The following GRM1 variants were observed in gnomAD, a reference collection of about 807,000 sequenced individuals.
GRM1 encodes the protein glutamate metabotropic receptor 1.
GRM1 carries 33 observed loss-of-function variants against 90.9 expected under a neutral mutation model. That is an observed-to-expected ratio of 0.36 (90% CI 0.28 to 0.49). The LOEUF (loss-of-function observed/expected upper bound fraction) is 0.49. Ranked by LOEUF, GRM1 falls within the 20% of genes least tolerant of loss-of-function variation. GRM1 has a pLI of 0.99. For missense variants in GRM1, 1,190 were observed against 1,534.3 expected (o/e 0.78, Z 3.75); for synonymous variants, 700 against 613.2 (o/e 1.14, Z -2.09).
intron 2 of GRM1, among the ~76,000 whole-genome samples, chr6:146,277,452 GC>G (rs1782416539): frequency 6.6e-6 from 1 of 152,188 alleles, no homozygotes; most frequent in African/African-American, 2.4e-5. Context: ...AACTGATTTT[GC>G]TTTTGAGGGG....
chr6:146,157,524 A>C (rs1387993622), intron 1 of GRM1, among the ~76,000 whole-genome samples: 8 of 152,334 alleles, frequency 5.3e-5, no homozygotes, highest in African/African-American at 1.4e-4. Context: ...AGAATAGAAG[A>C]AGCAAATACA....
At position 146,258,987 on chromosome 6, in the gene GRM1, C is replaced by G. The variant is rs191886928; in HGVS notation, c.951-45624C>G. On this transcript the variant is annotated intron_variant, in intron 2 of 7. Transcript: ENST00000282753. ...AATACATGAAAAAGCCCTTTGTATC[C>G]CATCTAGAATACTGAAGAGTTCTTG... 3.3e-5 allele frequency among the ~76,000 whole-genome samples: 5 copies of G among 152,212 alleles called. No homozygotes were observed. The East Asian group carries it at 9.6e-4, about 29-fold the overall frequency.
chr6:146,126,395 A>G (rs1776200951), intron 1 of GRM1, among the ~76,000 whole-genome samples: 1 of 152,124 alleles, frequency 6.6e-6, no homozygotes, highest in South Asian at 2.1e-4. Context: ...TTTTTGGTGC[A>G]CATATATTTG....
chr6:146,423,510 G>A (rs888774617), intron 7 of GRM1, among the ~76,000 whole-genome samples: 1 of 150,674 alleles, frequency 6.6e-6, no homozygotes, highest in Non-Finnish European at 1.5e-5. Flanking sequence ...TAATTAGGGT[G>A]TCTTTGGGAT....
chr6:146,402,544 C>T (rs1328622684), intron 7 of GRM1, among the ~76,000 whole-genome samples: 1 of 152,110 alleles, frequency 6.6e-6, no homozygotes, highest in Non-Finnish European at 1.5e-5. Context: ...GCTAAAAACT[C>T]TAGAGAACAC....
At chr6:146,396,398 AGT>A (rs1333659013) in intron 6 of GRM1, among the ~76,000 whole-genome samples, 1 of 152,156 alleles carries the variant, frequency 6.6e-6, no homozygotes, top group Non-Finnish European at 1.5e-5. Context: ...CAACACGGGA[AGT>A]ATTCTTGTAA....
At chr6:146,390,730 G>A (rs1205671274) in intron 6 of GRM1, among the ~76,000 whole-genome samples, 2 of 151,842 alleles carry the variant, frequency 1.3e-5, no homozygotes, top group Non-Finnish European at 2.9e-5. Context: ...TTTGTGCCAG[G>A]TACTTTTTAA....
At chr6:146,130,952 G>A (rs1776377794) in intron 1 of GRM1, among the ~76,000 whole-genome samples, 2 of 152,170 alleles carry the variant, frequency 1.3e-5, no homozygotes, top group Admixed American at 1.3e-4. Context: ...GATGATCACA[G>A]ATGGAAGTTC....
intron 2 of GRM1, among the ~76,000 whole-genome samples, chr6:146,210,097 A>G (rs1009979327): frequency 7.9e-5 from 12 of 152,178 alleles, no homozygotes; most frequent in African/African-American, 2.9e-4. Context: ...ATGCAATATC[A>G]TAGGAGTCTC....
intron 2 of GRM1, among the ~76,000 whole-genome samples, chr6:146,185,633 C>T (rs1439332212): frequency 3.3e-5 from 5 of 152,228 alleles, no homozygotes; most frequent in African/African-American, 1.2e-4. Flanking sequence ...CATTCTCTTT[C>T]AGTCCAGATT....
intron 1 of GRM1, among the ~76,000 whole-genome samples, chr6:146,067,640 C>T (rs1369191883): frequency 6.6e-6 from 1 of 152,016 alleles, no homozygotes; most frequent in East Asian, 1.9e-4. Flanking sequence ...ACCTATCTAT[C>T]ACAAGTTCAT....
chr6:146,122,363 T>C (rs1216805687), intron 1 of GRM1, among the ~76,000 whole-genome samples: 1 of 152,170 alleles, frequency 6.6e-6, no homozygotes, highest in Non-Finnish European at 1.5e-5. Flanking sequence ...AGGTGGTATC[T>C]AGATTGCATT....
In GRM1 at chr6:146,029,425, G is replaced by A. The variant is rs909993029; in HGVS notation, c.-93G>A. ...CGAGGGGCACCACTCCGGGAGAGGCGGCGCTGGGCGTCTTGGGGGTGCGCG... is the reference window on the plus strand; with the variant it reads ...CGAGGGGCACCACTCCGGGAGAGGCAGCGCTGGGCGTCTTGGGGGTGCGCG... On this transcript the variant is annotated 5_prime_UTR_variant, in exon 1 of 8. Coordinates refer to ENST00000282753, the MANE Select transcript of GRM1 (RefSeq NM_001278064.2). 2.5e-5 allele frequency: 25 copies of A among 984,128 alleles called. No homozygotes were observed. The highest frequency in any genetic ancestry group is 3.6e-5 in the Non-Finnish European group (22 of 608,966). The allele number at this position is 984,128 out of a possible 1,614,324, so 61.0% of individuals were successfully genotyped here.
At chr6:146,040,042 G>C (rs1277322354) in intron 1 of GRM1, among the ~76,000 whole-genome samples, 2 of 151,938 alleles carry the variant, frequency 1.3e-5, no homozygotes, top group Admixed American at 6.6e-5. Context: ...TGATGGGATT[G>C]CCAAGGGGGT....
intron 2 of GRM1, among the ~76,000 whole-genome samples, chr6:146,270,906 TTTC>T (rs2114823301): frequency 8.7e-6 from 1 of 114,416 alleles, no homozygotes; most frequent in Admixed American, 8.6e-5. Context: ...TCTTTCTTTC[TTTC>T]TTTCTTCCTT....
chr6:146,410,172 G>T (rs145855984), intron 7 of GRM1, among the ~76,000 whole-genome samples: 44 of 152,264 alleles, frequency 2.9e-4, no homozygotes, highest in African/African-American at 1.0e-3. Flanking sequence ...GAACAGGGAT[G>T]CTGTCAGCCA....
At chr6:146,361,172 C>T (rs914040433) in intron 5 of GRM1, among the ~76,000 whole-genome samples, 1 of 152,154 alleles carries the variant, frequency 6.6e-6, no homozygotes, top group Non-Finnish European at 1.5e-5. Context: ...ATGGTCTGAC[C>T]TGGGTCCTGC....
At chr6:146,420,771 T>C (rs941511081) in intron 7 of GRM1, among the ~76,000 whole-genome samples, 1 of 152,216 alleles carries the variant, frequency 6.6e-6, no homozygotes, top group African/African-American at 2.4e-5. Context: ...CCTTGCATTT[T>C]CTGTTTGAAC....
intron 2 of GRM1, among the ~76,000 whole-genome samples, chr6:146,223,815 T>C (rs1474194810): frequency 6.6e-6 from 1 of 152,122 alleles, no homozygotes; most frequent in East Asian, 1.9e-4. Context: ...ATTCTGATAT[T>C]CTTTCATAGA....
Sources: allele counts gnomAD v4.1 joint callset (sites outside exome capture counted in the v4.1 genomes callset), GRCh38; gene constraint gnomAD v4.1.1; transcripts MANE v1.5; gene names NCBI Gene and HGNC (gene_info 2026-07-23, HGNC 2026-07-21).